GALNT14: variants seen among roughly 807,000 people sequenced by gnomAD.
GALNT14 encodes the protein UDP-GalNAc:polypeptide N-acetylgalactosaminyltransferase 14.
Under a neutral mutation model 77.5 loss-of-function variants are expected in GALNT14, and 60 were observed. The observed-to-expected ratio is 0.77, with a 90% CI of 0.63 to 0.96. The LOEUF is 0.96. GALNT14 is among the 40% of genes least tolerant of loss of function. The pLI, the probability that GALNT14 is intolerant of heterozygous loss-of-function variation, is 0.00. For synonymous variants in GALNT14, 280 were observed against 281.7 expected, an observed-to-expected ratio of 0.99 and a Z score of 0.06; for missense variants, 710 against 731.0, an observed-to-expected ratio of 0.97 and a Z score of 0.33.
chr2:30,923,825 G>A (rs1362313703), intron 13 of GALNT14, among the ~76,000 whole-genome samples: 2 of 152,220 alleles, frequency 1.3e-5, no homozygotes, highest in Non-Finnish European at 2.9e-5. Flanking sequence ...CTGCCAGCAG[G>A]TAGGACACCA....
chr2:31,009,925 C>G (rs1348302773), intron 1 of GALNT14, among the ~76,000 whole-genome samples: 1 of 152,208 alleles, frequency 6.6e-6, no homozygotes, highest in African/African-American at 2.4e-5. Context: ...CCAACCACCA[C>G]CAACTGCATT....
chr2:30,997,760 A>C (rs939173287), intron 1 of GALNT14, among the ~76,000 whole-genome samples: 4 of 152,248 alleles, frequency 2.6e-5, no homozygotes, highest in African/African-American at 9.6e-5. Flanking sequence ...TGTTACATGT[A>C]GACACTGTGG....
intron 1 of GALNT14, among the ~76,000 whole-genome samples, chr2:31,022,966 A>G (rs1166396976): frequency 6.6e-6 from 1 of 152,184 alleles, no homozygotes; most frequent in African/African-American, 2.4e-5. Context: ...GGAGACCCCA[A>G]GCAAAGGGCC....
chr2:30,941,662 C>T (rs1265413668), intron 9 of GALNT14, among the ~76,000 whole-genome samples: 1 of 152,154 alleles, frequency 6.6e-6, no homozygotes, highest in Non-Finnish European at 1.5e-5. Context: ...ATTCCCTCAT[C>T]CCTTCCTCTC....
the GALNT14 span, among the ~76,000 whole-genome samples, chr2:30,897,633 T>G: frequency 3.9e-5 from 6 of 152,198 alleles, no homozygotes; most frequent in South Asian, 2.1e-4. Context: ...TTGTGGTGTC[T>G]CCTGCCGTTT....
chr2:30,990,704 C>T (rs72787248), intron 2 of GALNT14, among the ~76,000 whole-genome samples: 1,581 of 152,292 alleles, frequency 0.01, 12 homozygotes, highest in Non-Finnish European at 0.018. Context: ...CATGTGCTTG[C>T]CCTCATTCTC....
intron 1 of GALNT14, among the ~76,000 whole-genome samples, chr2:31,075,500 G>C (rs1316372893): frequency 1.3e-5 from 2 of 152,176 alleles, no homozygotes; most frequent in Non-Finnish European, 2.9e-5. Context: ...GGCTTGAAAA[G>C]TGTTTCTTGA....
chr2:30,998,209 C>T (rs1670157452), intron 1 of GALNT14, among the ~76,000 whole-genome samples: 2 of 152,194 alleles, frequency 1.3e-5, no homozygotes, highest in South Asian at 4.1e-4. Context: ...AACTAAAGCT[C>T]GATGGCACAT....
the GALNT14 span, among the ~76,000 whole-genome samples, chr2:30,892,796 A>T: frequency 1.3e-5 from 2 of 152,122 alleles, no homozygotes; most frequent in African/African-American, 4.8e-5. Flanking sequence ...TGAGTATTAA[A>T]CTGCCTTTAT....
At chr2:31,025,581 T>C (rs1671993825) in intron 1 of GALNT14, among the ~76,000 whole-genome samples, 1 of 152,054 alleles carries the variant, frequency 6.6e-6, no homozygotes, top group Non-Finnish European at 1.5e-5. Context: ...ACCAACCAGA[T>C]ACAGGTGGAA....
chr2:31,055,977 A>T (rs1378665894), intron 1 of GALNT14, among the ~76,000 whole-genome samples: 1 of 152,226 alleles, frequency 6.6e-6, no homozygotes, highest in Non-Finnish European at 1.5e-5. Context: ...AAAATTAGGT[A>T]TGTTGTTTAA....
chr2:31,011,718 C>A (rs1671041479), intron 1 of GALNT14, among the ~76,000 whole-genome samples: 1 of 152,174 alleles, frequency 6.6e-6, no homozygotes, highest in South Asian at 2.1e-4. Flanking sequence ...TCCCAGCTAC[C>A]CCTCAGGGGG....
chr2:30,990,765 G>C (rs2241426), intron 2 of GALNT14, among the ~76,000 whole-genome samples: 48,392 of 152,068 alleles, frequency 0.32, 8,392 homozygotes, highest in African/African-American at 0.44. Flanking sequence ...TTCTTTAAGT[G>C]TGAAATTCTC....
intron 1 of GALNT14, among the ~76,000 whole-genome samples, chr2:30,997,711 T>A (rs1670123334): frequency 6.6e-6 from 1 of 152,262 alleles, no homozygotes; most frequent in Admixed American, 6.5e-5. Flanking sequence ...AATTAACAAA[T>A]AATATCTGTA....
chr2:30,948,458 C>G (rs1002815263), intron 6 of GALNT14, among the ~76,000 whole-genome samples: 4 of 152,246 alleles, frequency 2.6e-5, no homozygotes, highest in African/African-American at 4.8e-5. Context: ...ACCAACTCAA[C>G]TTGACCTCTG....
At chr2:30,949,477 C>T (rs1026544216) in intron 6 of GALNT14, among the ~76,000 whole-genome samples, 2 of 152,148 alleles carry the variant, frequency 1.3e-5, no homozygotes, top group Non-Finnish European at 2.9e-5. Flanking sequence ...CTCAAGCAGG[C>T]AGCTGGTGGA....
chr2:30,889,368 T>C, the GALNT14 span, among the ~76,000 whole-genome samples: 1 of 152,330 alleles, frequency 6.6e-6, no homozygotes, highest in South Asian at 2.1e-4. Flanking sequence ...CTCCCATTGC[T>C]GTGGGGACCC....
intron 3 of GALNT14, among the ~76,000 whole-genome samples, chr2:30,964,646 T>C (rs534116230): frequency 6.6e-6 from 1 of 152,320 alleles, no homozygotes; most frequent in African/African-American, 2.4e-5. Context: ...CAGCCTGACA[T>C]TGCCAAGGAT....
At chr2:31,100,182 A>G (rs1288607532) in intron 1 of GALNT14, among the ~76,000 whole-genome samples, 1 of 152,090 alleles carries the variant, frequency 6.6e-6, no homozygotes, top group African/African-American at 2.4e-5. Context: ...CATCATTGAT[A>G]GGTGGTTGGA....
Sources: gnomAD v4.1 joint callset for allele counts (sites outside exome capture counted in the v4.1 genomes callset) on GRCh38, gnomAD v4.1.1 for gene constraint, MANE v1.5 for transcripts, NCBI Gene and HGNC (gene_info 2026-07-23, HGNC 2026-07-21) for gene names.